Variants in PLCE1 observed in about 807,000 individuals in gnomAD.
PLCE1 encodes phospholipase C epsilon 1.
In PLCE1, 119 loss-of-function variants were observed where a neutral mutation model predicts 242.8. The ratio of observed to expected loss-of-function variants is 0.49; its 90% CI spans 0.42 to 0.57. The LOEUF (loss-of-function observed/expected upper bound fraction) is 0.57, where lower values mean the gene tolerates loss of function less well. PLCE1 is among the 20% of genes least tolerant of loss of function. The pLI is 0.00. For synonymous variants in PLCE1, 945 were observed against 1,017.4 expected (o/e 0.93, Z 1.35); for missense variants, 2,441 against 2,788.8 (o/e 0.88, Z 2.81).
rs2061569640 is a variant in PLCE1 at position 94,032,112 on chromosome 10, A to G, written c.1066A>G (p.Ile356Val). 1.2e-6 allele frequency: 2 copies of G among 1,611,032 alleles called. No individual in the cohort carries two copies. Among genetic ancestry groups the G allele is most frequent in the Non-Finnish European group, 1.7e-6 (2 of 1,178,900 alleles). ...TGTGAGAACTCTGCCTTCTGGCCACATTGGGCTGACTGCATGGAGTTACAT... is the reference window on the plus strand; with the variant it reads ...TGTGAGAACTCTGCCTTCTGGCCACGTTGGGCTGACTGCATGGAGTTACAT... ...AIVRTLPSGH[I>V]GLTAWSYIDQ... The change falls in exon 2 of 33, where the codon ATT becomes GTT. Residue 356 changes from isoleucine (I) to valine (V), a missense_variant. By Grantham distance (29) the Ile-to-Val change is conservative. Around this residue, in one of 5 missense-constraint regions of PLCE1, gnomAD observed 733 missense variants for 754.2 expected, o/e 0.97. Coordinates refer to ENST00000371380, the MANE Select transcript of PLCE1 (RefSeq NM_016341.4).
At chr10:94,309,317 CT>C (rs35780786) in intron 27 of PLCE1, among the ~76,000 whole-genome samples, 127 of 146,590 alleles carry the variant, frequency 8.7e-4, no homozygotes, top group Middle Eastern at 3.6e-3. Context: ...GCAGAATCTG[CT>C]TTTTTTTTTT....
intron 5 of PLCE1, among the ~76,000 whole-genome samples, chr10:94,233,389 C>T (rs1157290330): frequency 6.6e-6 from 1 of 152,152 alleles, no homozygotes. Flanking sequence ...ATCAAGAGGG[C>T]CAGATGGGCC....
intron 3 of PLCE1, among the ~76,000 whole-genome samples, chr10:94,148,649 C>T (rs1433055089): frequency 2.6e-5 from 4 of 151,818 alleles, no homozygotes. Context: ...GCAAAATTTT[C>T]CTTTCCAAGA....
At chr10:94,043,835 TGAG>T (rs1456149248) in intron 2 of PLCE1, among the ~76,000 whole-genome samples, 1 of 152,130 alleles carries the variant, frequency 6.6e-6, no homozygotes, top group East Asian at 1.9e-4. Context: ...AATATTTTTG[TGAG>T]GAGAATGCCA....
intron 1 of PLCE1, among the ~76,000 whole-genome samples, chr10:94,013,867 G>T (rs1278648230): frequency 6.6e-6 from 1 of 151,946 alleles, no homozygotes; most frequent in Non-Finnish European, 1.5e-5. Flanking sequence ...GATGATCCCT[G>T]GGGGGGCTAA....
intron 1 of PLCE1, among the ~76,000 whole-genome samples, chr10:94,015,726 G>C (rs1305454369): frequency 6.6e-6 from 1 of 152,184 alleles, no homozygotes; most frequent in African/African-American, 2.4e-5. Flanking sequence ...AATAGGCCAG[G>C]TTCAGGGAAT....
At chr10:94,113,537 C>T (rs1244878962) in intron 2 of PLCE1, among the ~76,000 whole-genome samples, 2 of 152,220 alleles carry the variant, frequency 1.3e-5, no homozygotes, top group African/African-American at 4.8e-5. Flanking sequence ...CAAGAACCTT[C>T]ATAGAATGTA....
intron 29 of PLCE1, among the ~76,000 whole-genome samples, chr10:94,320,527 T>G (rs532618167): frequency 2.6e-5 from 4 of 152,320 alleles, no homozygotes; most frequent in South Asian, 4.1e-4. Flanking sequence ...AGTTGGAACT[T>G]CCAAGATAGC....
Position 94,132,315 on chromosome 10 carries a change from G to GT in PLCE1, c.1349dup (p.Cys451MetfsTer2). The GT allele has an allele frequency of 6.2e-7, 1 of 1,614,008 alleles. No individual in the cohort carries two copies. Among genetic ancestry groups the GT allele is most frequent in the South Asian group, 1.1e-5 (1 of 91,060 alleles). ...CTTAAAGCAATGTGTCCGAGACACT[G>GT]TATGTGAGTATCGCGCCACCCTCCA... On this transcript the variant is annotated frameshift_variant, in exon 3 of 33. Coordinates refer to ENST00000371380, the MANE Select transcript of PLCE1 (RefSeq NM_016341.4). LOFTEE classifies it high-confidence loss of function.
intron 1 of PLCE1, among the ~76,000 whole-genome samples, chr10:94,002,012 G>A (rs543023101): frequency 7.2e-5 from 11 of 152,202 alleles, no homozygotes; most frequent in Admixed American, 5.2e-4. Flanking sequence ...CTTCTAACTC[G>A]GTCTGGCTTA....
Position 94,032,207 on chromosome 10 carries a change from A to C in PLCE1, c.1161A>C (p.Ile387=), listed in dbSNP as rs1028504203. ...RVMEPPSTVE[I]RQDGSQRLSE... The stretch of plus-strand genomic sequence containing the variant: ...TGGAACCCCCGTCAACAGTGGAGAT[A>C]AGGCAAGATGGGAGCCAACGTCTGT... The change falls in exon 2 of 33, where the codon ATA becomes ATC. Residue 387 remains isoleucine (I), a synonymous_variant. Coordinates refer to ENST00000371380, the MANE Select transcript of PLCE1 (RefSeq NM_016341.4). 29 of 1,613,148 alleles carry C rather than the reference A, an allele frequency of 1.8e-5. No homozygotes were observed. Among genetic ancestry groups the C allele is most frequent in the African/African-American group, 2.7e-5 (2 of 74,862 alleles).
chr10:94,101,707 C>G (rs774659590), intron 2 of PLCE1, among the ~76,000 whole-genome samples: 11 of 152,176 alleles, frequency 7.2e-5, no homozygotes, highest in Non-Finnish European at 1.5e-4. Flanking sequence ...GTCAGAGAGC[C>G]TGAGCTCTTT....
Position 94,122,185 on chromosome 10 carries a change from G to C in PLCE1, c.1207-9989G>C, listed in dbSNP as rs199719827. Among the ~76,000 whole-genome samples, 24 of 152,236 alleles carry C rather than the reference G, an allele frequency of 1.6e-4. No individual in the cohort carries two copies. In the East Asian group the frequency reaches 4.3e-3, roughly 27 times the overall value. On this transcript the variant is annotated intron_variant, in intron 2 of 32. Coordinates refer to ENST00000371380, the MANE Select transcript of PLCE1 (RefSeq NM_016341.4). Reference sequence around the variant, plus strand: ...TCTGAGCCAGGGATCACAGTCTACGGGATTTGTGAAAATTTGGTTTTGTCT... The same window carrying C: ...TCTGAGCCAGGGATCACAGTCTACGCGATTTGTGAAAATTTGGTTTTGTCT...
intron 4 of PLCE1, among the ~76,000 whole-genome samples, chr10:94,224,386 G>C (rs1460311387): frequency 1.3e-5 from 2 of 152,166 alleles, no homozygotes; most frequent in African/African-American, 2.4e-5. Flanking sequence ...CCTCTCCAGG[G>C]GGAGGTGAGT....
At chr10:94,260,424 TAA>T (rs1481434493) in intron 13 of PLCE1, among the ~76,000 whole-genome samples, 1 of 152,184 alleles carries the variant, frequency 6.6e-6, no homozygotes, top group Admixed American at 6.5e-5. Flanking sequence ...CTGGAAACTA[TAA>T]ACACAAATAG....
Position 94,328,010 on chromosome 10 carries a change from A to G in PLCE1, c.*67A>G, listed in dbSNP as rs2054096467. The stretch of plus-strand genomic sequence containing the variant: ...AGAAGTTAAAGAGTGAACATGGTGG[A>G]AAAAATATAATTATTTTCATCAGAC... On this transcript the variant is annotated 3_prime_UTR_variant, in exon 33 of 33. Coordinates refer to ENST00000371380, the MANE Select transcript of PLCE1 (RefSeq NM_016341.4). The G allele has an allele frequency of 1.9e-6, 1 of 531,066 alleles. No homozygotes were observed. Among genetic ancestry groups the G allele is most frequent in the Non-Finnish European group, 3.9e-6 (1 of 258,866 alleles). 32.9% of individuals were successfully genotyped at this position (531,066 alleles called of 1,614,324 possible).
chr10:94,171,108 G>A, intron 3 of PLCE1, 72 bp from the exon 4 acceptor site: 1 of 1,205,576 alleles, frequency 8.3e-7, no homozygotes, highest in Non-Finnish European at 1.2e-6. Context: ...ATTTGGAATG[G>A]CTCTCAAGTA....
intron 7 of PLCE1, among the ~76,000 whole-genome samples, chr10:94,243,575 T>G (rs775628796): frequency 9.2e-5 from 14 of 152,206 alleles, no homozygotes; most frequent in Admixed American, 1.3e-4. Context: ...TTTGGAATTT[T>G]CTATAAATCT....
At chr10:94,237,252 C>A (rs959941267) in intron 7 of PLCE1, among the ~76,000 whole-genome samples, 1 of 151,964 alleles carries the variant, frequency 6.6e-6, no homozygotes, top group African/African-American at 2.4e-5. Context: ...TTTTAAAGAG[C>A]CTTCATCTTT....
Sources: allele counts gnomAD v4.1 joint callset (sites outside exome capture counted in the v4.1 genomes callset), GRCh38; gene constraint gnomAD v4.1.1; regional missense constraint gnomAD v4.1.1; transcripts MANE v1.5; gene names NCBI Gene and HGNC (gene_info 2026-07-23, HGNC 2026-07-21).